NAALADL2: variants seen among roughly 807,000 people sequenced by gnomAD.
NAALADL2 encodes N-acetylated alpha-linked acidic dipeptidase like 2.
In NAALADL2, 76 loss-of-function variants were observed where a neutral mutation model predicts 87.2. The ratio of observed to expected loss-of-function variants is 0.87; its 90% CI spans 0.72 to 1.05. NAALADL2 has a LOEUF of 1.05. NAALADL2 is among the 50% of genes least tolerant of loss of function. The pLI is 0.00. For synonymous variants in NAALADL2, 354 were observed against 331.0 expected (o/e 1.07, Z -0.75); for missense variants, 1,089 against 945.8 (o/e 1.15, Z -1.99).
intron 11 of NAALADL2, among the ~76,000 whole-genome samples, chr3:175,665,659 G>T (rs1443291125): frequency 6.6e-6 from 1 of 152,110 alleles, no homozygotes; most frequent in South Asian, 2.1e-4. Flanking sequence ...TAGGCTGGGC[G>T]CGATGGCTCA....
intron 10 of NAALADL2, among the ~76,000 whole-genome samples, chr3:175,599,089 ATAT>A (rs1429607068): frequency 3.3e-5 from 5 of 152,234 alleles, no homozygotes; most frequent in African/African-American, 1.2e-4. Context: ...TGGCAATAAC[ATAT>A]TAGCAAACCT....
At chr3:175,564,747 C>G (rs1716832697) in intron 9 of NAALADL2, among the ~76,000 whole-genome samples, 1 of 152,126 alleles carries the variant, frequency 6.6e-6, no homozygotes, top group Admixed American at 6.5e-5. Context: ...GTGCTTTTAT[C>G]CAGGTGTCTG....
intron 1 of NAALADL2, among the ~76,000 whole-genome samples, chr3:175,064,186 A>G (rs1420277518): frequency 6.8e-6 from 1 of 146,500 alleles, no homozygotes; most frequent in Non-Finnish European, 1.5e-5. Flanking sequence ...AGATGGTGGT[A>G]TTGTTGGTGT....
At chr3:175,400,521 A>G (rs1770426920) in intron 5 of NAALADL2, among the ~76,000 whole-genome samples, 1 of 152,178 alleles carries the variant, frequency 6.6e-6, no homozygotes, top group African/African-American at 2.4e-5. Context: ...GTAAAAAGAG[A>G]CAAAACAATA....
intron 1 of NAALADL2, among the ~76,000 whole-genome samples, chr3:174,957,701 C>A (rs1284735687): frequency 6.6e-6 from 1 of 151,522 alleles, no homozygotes; most frequent in Non-Finnish European, 1.5e-5. Flanking sequence ...GGAATAGAAT[C>A]TTTAAATGAA....
At chr3:174,913,515 G>T (rs1733979392) in intron 1 of NAALADL2, among the ~76,000 whole-genome samples, 1 of 152,148 alleles carries the variant, frequency 6.6e-6, no homozygotes, top group Non-Finnish European at 1.5e-5. Flanking sequence ...TACTATAGAG[G>T]CTCTAGGTTG....
chr3:175,125,963 A>C (rs1726883731), intron 2 of NAALADL2, among the ~76,000 whole-genome samples: 1 of 152,088 alleles, frequency 6.6e-6, no homozygotes, highest in Non-Finnish European at 1.5e-5. Context: ...ATTGAAAGGC[A>C]ATACTCCTGA....
At chr3:175,029,353 T>C (rs1192633839) in intron 1 of NAALADL2, among the ~76,000 whole-genome samples, 1 of 152,008 alleles carries the variant, frequency 6.6e-6, no homozygotes, top group Non-Finnish European at 1.5e-5. Context: ...GTGATTGTAA[T>C]TTAAAAATGG....
intron 2 of NAALADL2, among the ~76,000 whole-genome samples, chr3:175,211,777 C>A (rs1741807612): frequency 6.6e-6 from 1 of 152,028 alleles, no homozygotes; most frequent in East Asian, 1.9e-4. Context: ...AATTATATTT[C>A]TTAATGGAAA....
At chr3:174,863,236 G>C (rs928809815) in intron 1 of NAALADL2, among the ~76,000 whole-genome samples, 1 of 152,040 alleles carries the variant, frequency 6.6e-6, no homozygotes, top group Non-Finnish European at 1.5e-5. Context: ...GCAGTTTTAC[G>C]GAAGAATTTG....
intron 2 of NAALADL2, among the ~76,000 whole-genome samples, chr3:175,219,730 G>T (rs1020113065): frequency 2.0e-5 from 3 of 151,606 alleles, no homozygotes; most frequent in Non-Finnish European, 4.4e-5. Flanking sequence ...TGTCTGTTTG[G>T]CATCATAGTG....
chr3:175,262,157 A>G (rs1751146334), intron 4 of NAALADL2, among the ~76,000 whole-genome samples: 1 of 152,060 alleles, frequency 6.6e-6, no homozygotes, highest in Non-Finnish European at 1.5e-5. Context: ...TCAATAGTTA[A>G]TGAATGGACA....
chr3:175,169,222 G>A (rs1281592352), intron 2 of NAALADL2, among the ~76,000 whole-genome samples: 2 of 151,444 alleles, frequency 1.3e-5, no homozygotes, highest in East Asian at 1.9e-4. Context: ...ATCTTTTTGT[G>A]GTTTTTGTCA....
At chr3:174,638,595 T>A (rs556214116) in intron 2 of NAALADL2, among the ~76,000 whole-genome samples, 87 of 151,832 alleles carry the variant, frequency 5.7e-4, no homozygotes, top group Middle Eastern at 3.4e-3. Flanking sequence ...GGTTTTTTTT[T>A]AAAAAAAACT....
At chr3:175,669,469 T>G (rs1046323673) in intron 11 of NAALADL2, among the ~76,000 whole-genome samples, 2 of 152,058 alleles carry the variant, frequency 1.3e-5, no homozygotes, top group Admixed American at 1.3e-4. Flanking sequence ...GAAGAAAAAA[T>G]TTGTTTTCAA....
chr3:174,868,581 A>G lies in NAALADL2; in HGVS notation c.43+9131A>G, dbSNP rs117028635. Reference sequence around the variant, plus strand: ...CATGTGATTATAGTGGGATTCGAAAAAAGAATTTGGGAGACACTTGAGGTT... The same window carrying G: ...CATGTGATTATAGTGGGATTCGAAAGAAGAATTTGGGAGACACTTGAGGTT... On this transcript the variant is annotated intron_variant, in intron 1 of 13. Transcript: ENST00000454872. 6.3e-4 allele frequency among the ~76,000 whole-genome samples: 96 copies of G among 152,210 alleles called. 1 individual carries two copies. In the East Asian group the frequency reaches 0.016, roughly 26 times the overall value.
At chr3:174,620,146 C>T (rs1720857316) in intron 2 of NAALADL2, among the ~76,000 whole-genome samples, 2 of 151,992 alleles carry the variant, frequency 1.3e-5, no homozygotes, top group Non-Finnish European at 2.9e-5. Context: ...CATGGCCATC[C>T]TCTTTCATTT....
rs556512322 is a variant in NAALADL2 at position 174,466,489 on chromosome 3, C to T, written c.-184+25457C>T. Among the ~76,000 whole-genome samples the T allele has an allele frequency of 2.0e-5, 3 of 152,226 alleles. No individual in the cohort carries two copies. In the East Asian group the frequency reaches 5.8e-4, roughly 29 times the overall value. ...GCCACTCATTCAGCTAAAACTCTTA[C>T]TGTGAAGCAGGGGAAAATGGATTTC... On this transcript the variant is annotated intron_variant, in intron 1 of 3. Transcript: ENST00000434257.
chr3:174,453,657 C>T (rs758738109), intron 1 of NAALADL2, among the ~76,000 whole-genome samples: 23 of 152,250 alleles, frequency 1.5e-4, no homozygotes, highest in Middle Eastern at 6.8e-3. Flanking sequence ...ATATCAGGTC[C>T]TACTAAGCTG....
Sources: gnomAD v4.1 joint callset for allele counts (sites outside exome capture counted in the v4.1 genomes callset) on GRCh38, gnomAD v4.1.1 for gene constraint, MANE v1.5 for transcripts, NCBI Gene and HGNC (gene_info 2026-07-23, HGNC 2026-07-21) for gene names.